The following MRPL17 variants were observed in gnomAD, a reference collection of about 807,000 sequenced individuals.
The protein encoded by MRPL17 is large ribosomal subunit protein bL17m.
MRPL17 carries 8 observed loss-of-function variants against 12.0 expected under a neutral mutation model. The ratio of observed to expected loss-of-function variants is 0.67; its 90% CI spans 0.39 to 1.21. The LOEUF is 1.21. Among genes scored for constraint, MRPL17 ranks in the 50% most tolerant of loss-of-function variants. The pLI is 0.01. For synonymous variants in MRPL17, 107 were observed against 92.9 expected (o/e 1.15, Z -0.87); for missense variants, 263 against 234.4 (o/e 1.12, Z -0.80).
Position 6,682,060 on chromosome 11 carries a change from G to A in MRPL17, c.*58C>T. 6.5e-7 allele frequency: 1 copy of A among 1,540,106 alleles called. No homozygotes were observed. Among genetic ancestry groups the A allele is most frequent in the Non-Finnish European group, 8.8e-7 (1 of 1,139,984 alleles). ...CCAGTTCTTCTCAGAGAGTAAAAGT[G>A]CTCCAAAGGCCTGTGATCATGGGTA... On this transcript the variant is annotated 3_prime_UTR_variant, in exon 3 of 3. Transcript: ENST00000288937.
At chr11:6,682,445 C>T in intron 2 of MRPL17, 43 bp from the exon 3 acceptor site, 2 of 1,589,248 alleles carry the variant, frequency 1.3e-6, no homozygotes, top group Non-Finnish European at 8.6e-7. Flanking sequence ...TCAGGCAAAA[C>T]TGCAGAGGCA....
intron 2 of MRPL17, 136 bp downstream of exon 2, chr11:6,682,611 C>T: frequency 1.0e-6 from 1 of 996,774 alleles, no homozygotes; most frequent in East Asian, 2.5e-5. Flanking sequence ...TAACTTAAGA[C>T]ACAGTTTCTA....
In MRPL17 at chr11:6,681,411, G is replaced by A. The variant is rs1158594891; in HGVS notation, c.*707C>T. The A allele has an allele frequency of 1.3e-5, 2 of 152,168 alleles. No individual in the cohort carries two copies. The highest frequency in any genetic ancestry group is 2.9e-5 in the Non-Finnish European group (2 of 68,056). 9.4% of individuals were successfully genotyped at this position (152,168 alleles called of 1,614,324 possible). On this transcript the variant is annotated 3_prime_UTR_variant, in exon 3 of 3. Transcript: ENST00000288937. Reference sequence around the variant, plus strand: ...TTCTTACCCCTTCCCCTCACCAAGAGGAAGGAGCTTATCCTGGAGCCCAAC... The same window carrying A: ...TTCTTACCCCTTCCCCTCACCAAGAAGAAGGAGCTTATCCTGGAGCCCAAC...
rs1384244590 is a variant in MRPL17, at chr11:6,681,496, G to A, written c.*622C>T. The stretch of plus-strand genomic sequence containing the variant: ...ACTGGTGGAACATCTGAGTTCTTGG[G>A]TCCTCTCCTCCCAGGCCCATTCAGG... On this transcript the variant is annotated 3_prime_UTR_variant, in exon 3 of 3. Transcript: ENST00000288937. 6.6e-6 allele frequency: 1 copy of A among 152,132 alleles called. No individual in the cohort carries two copies. Among genetic ancestry groups the A allele is most frequent in the Admixed American group, 6.5e-5 (1 of 15,272 alleles). The allele number at this position is 152,132 out of a possible 1,614,324, so 9.4% of individuals were successfully genotyped here.
intron 2 of MRPL17, 72 bp downstream of exon 2, chr11:6,682,675 G>T: frequency 2.1e-6 from 3 of 1,442,854 alleles, no homozygotes; most frequent in Non-Finnish European, 2.9e-6. Context: ...ATTCTGCATA[G>T]TTCTCCTTTT....
chr11:6,682,306 T>G lies in MRPL17; in HGVS notation c.340A>C (p.Ser114Arg), dbSNP rs771468177. 2 of 1,614,186 alleles carry G rather than the reference T, an allele frequency of 1.2e-6. No homozygotes were observed. Among genetic ancestry groups the G allele is most frequent in the East Asian group, 4.5e-5 (2 of 44,888 alleles). The stretch of plus-strand genomic sequence containing the variant: ...ACTGCCATCTTGGCCCGATCCAAAC[T>G]CCGATTTGGGATCTGCAGCATTCTT... ...YTRMLQIPNR[S>R]LDRAKMAVIE... Residue 114 changes from serine to arginine, a missense_variant, in exon 3 of 3, where the codon AGT (serine) becomes CGT (arginine). By Grantham distance (110) the Ser-to-Arg change is moderately radical. Coordinates refer to ENST00000288937, the MANE Select transcript of MRPL17 (RefSeq NM_022061.4).
In MRPL17 at chr11:6,682,353, T is replaced by C. The variant is rs376708258; in HGVS notation, c.293A>G (p.Lys98Arg). ...TCTTGTGTAGCCCCCAGTTTGATCT[T>C]TGTACCGAGGGGCCAGTACTTGAAA... ...KLFQVLAPRY[K>R]DQTGGYTRML... The change falls in exon 3 of 3, where the codon AAA (lysine) becomes AGA (arginine). Residue 98 changes from lysine (K) to arginine (R), a missense_variant. Transcript: ENST00000288937. 5 of 1,614,098 alleles carry C rather than the reference T, an allele frequency of 3.1e-6. No homozygotes were observed. Among genetic ancestry groups the C allele is most frequent in the Non-Finnish European group, 4.2e-6 (5 of 1,180,050 alleles).
chr11:6,682,917 C>T, intron 1 of MRPL17, 102 bp from the exon 2 acceptor site: 1 of 1,304,994 alleles, frequency 7.7e-7, no homozygotes, highest in South Asian at 1.3e-5. Context: ...ACTAGCCAAG[C>T]ATCTCCAATC....
Position 6,681,841 on chromosome 11 carries a change from C to T in MRPL17, c.*277G>A, listed in dbSNP as rs1040008962. On this transcript the variant is annotated 3_prime_UTR_variant, in exon 3 of 3. Transcript: ENST00000288937. ...CAAATTTAAGGACCAGAAGCATAAG[C>T]CATGAATTTACTATCTCAGGTAGAC... 2 of 224,582 alleles carry T rather than the reference C, an allele frequency of 8.9e-6. No homozygotes were observed. The highest frequency in any genetic ancestry group is 4.5e-5 in the African/African-American group (2 of 44,212). 13.9% of individuals were successfully genotyped at this position (224,582 alleles called of 1,614,324 possible).
In MRPL17 at chr11:6,680,882, G is replaced by A. The variant is rs1268104960; in HGVS notation, c.*1236C>T. 1.3e-5 allele frequency: 2 copies of A among 152,172 alleles called. No individual in the cohort carries two copies. Among genetic ancestry groups the A allele is most frequent in the East Asian group, 1.9e-4 (1 of 5,200 alleles). The allele number at this position is 152,172 out of a possible 1,614,324, so 9.4% of individuals were successfully genotyped here. A position where few individuals can be genotyped will look rare whatever the true frequency, so the allele number is the denominator to read the frequency against. The stretch of plus-strand genomic sequence containing the variant: ...AGTGTGAAGAACAAACCATAGTAGA[G>A]AAAAAGAGATAAAGAGCTCTGTTGG... On this transcript the variant is annotated 3_prime_UTR_variant, in exon 3 of 3. Coordinates refer to ENST00000288937, the MANE Select transcript of MRPL17 (RefSeq NM_022061.4).
Position 6,681,366 on chromosome 11 carries a change from T to C in MRPL17, c.*752A>G, listed in dbSNP as rs900504068. 3.3e-5 allele frequency: 5 copies of C among 152,176 alleles called. No individual in the cohort carries two copies. The highest frequency in any genetic ancestry group is 1.3e-4 in the Admixed American group (2 of 15,286). The allele number at this position is 152,176 out of a possible 1,614,324, so 9.4% of individuals were successfully genotyped here. A position where few individuals can be genotyped will look rare whatever the true frequency, so the allele number is the denominator to read the frequency against. On this transcript the variant is annotated 3_prime_UTR_variant, in exon 3 of 3. Coordinates refer to ENST00000288937, the MANE Select transcript of MRPL17 (RefSeq NM_022061.4). ...CCTAGGAGGTTTAATTTCCTAATCC[T>C]TCTCTCGCATAGACCCTCTTTCTTA...
chr11:6,683,330 A>C lies in MRPL17; in HGVS notation c.-34T>G. ...CTTCTGCCCGCCCCTTGGAGGCCGG[A>C]ACTGGAAACTGGAAGGTAGAGCCGG... On this transcript the variant is annotated 5_prime_UTR_variant, in exon 1 of 3. Coordinates refer to ENST00000288937, the MANE Select transcript of MRPL17 (RefSeq NM_022061.4). 6.3e-7 allele frequency: 1 copy of C among 1,585,280 alleles called. No homozygotes were observed. The highest frequency in any genetic ancestry group is 8.6e-7 in the Non-Finnish European group (1 of 1,163,190).
chr11:6,682,498 T>C (rs773188898), intron 2 of MRPL17, 96 bp from the exon 3 acceptor site: 79 of 1,376,064 alleles, frequency 5.7e-5, no homozygotes, highest in South Asian at 2.3e-4. Flanking sequence ...CATCCACACA[T>C]AGAAAGACCT....
Position 6,682,826 on chromosome 11 carries a change from A to G in MRPL17, c.175-11T>C, listed in dbSNP as rs755791735. ...CCCATAGTCGATGAGCTGTGAGGAC[A>G]TAACATCACGGATCCAACCGAGCAA... On this transcript the variant is annotated splice_polypyrimidine_tract_variant and intron_variant, in intron 1 of 2. Transcript: ENST00000288937. 4.3e-6 allele frequency: 7 copies of G among 1,609,838 alleles called. No homozygotes were observed. In the South Asian group the frequency reaches 7.7e-5, roughly 18 times the overall value.
At position 6,682,250 on chromosome 11, in the gene MRPL17, G is replaced by C; in HGVS notation, c.396C>G (p.Pro132=). The C allele has an allele frequency of 6.2e-7, 1 of 1,614,152 alleles. No individual in the cohort carries two copies. The highest frequency in any genetic ancestry group is 1.1e-5 in the South Asian group (1 of 91,086). ...GGCTGTCTCTGCGAGGCAGAGGCAG[G>C]GGTGGGAGGCAATTCCCTTTATACT... ...VIEYKGNCLP[P]LPLPRRDSHL... The change falls in exon 3 of 3, where the codon CCC becomes CCG. Residue 132 remains proline (P), a synonymous_variant. Transcript: ENST00000288937.
chr11:6,683,001 T>C (rs970804971), intron 1 of MRPL17, 122 bp downstream of exon 1: 14 of 1,412,316 alleles, frequency 9.9e-6, no homozygotes, highest in Non-Finnish European at 1.3e-5. Flanking sequence ...CAGCCCAAGG[T>C]TCTGGGGGAC....
In MRPL17 at chr11:6,682,496, C is replaced by T. The variant is rs7940919; in HGVS notation, c.244-94G>A. 3,003 of 1,400,254 alleles carry T rather than the reference C, an allele frequency of 2.1e-3. 40 individuals carry two copies. In the African/African-American group the frequency reaches 0.036, roughly 17 times the overall value. The allele number at this position is 1,400,254 out of a possible 1,614,324, so 86.7% of individuals were successfully genotyped here. On this transcript the variant is annotated intron_variant, in intron 2 of 2. Coordinates refer to ENST00000288937, the MANE Select transcript of MRPL17 (RefSeq NM_022061.4). ...TTCCCAAAGGTAAGGTCCATCCACA[C>T]ATAGAAAGACCTCCCCCTCCCCTCG...
intron 1 of MRPL17, 120 bp downstream of exon 1, chr11:6,683,003 C>T (rs1401054560): frequency 7.0e-7 from 1 of 1,424,588 alleles, no homozygotes; most frequent in Non-Finnish European, 9.5e-7. Flanking sequence ...GCCCAAGGTT[C>T]TGGGGGACTC....
chr11:6,682,902 T>C (rs1352611583), intron 1 of MRPL17, 87 bp from the exon 2 acceptor site: 1 of 1,401,776 alleles, frequency 7.1e-7, no homozygotes, highest in East Asian at 2.3e-5. Flanking sequence ...CAATCCATTC[T>C]TTCCACTAGC....
Sources: allele counts gnomAD v4.1 joint callset, GRCh38; gene constraint gnomAD v4.1.1; transcripts MANE v1.5; gene names NCBI Gene and HGNC (gene_info 2026-07-23, HGNC 2026-07-21).